Variants in ATP9B observed in about 807,000 individuals in gnomAD.
ATP9B encodes the protein ATPase phospholipid transporting 9B, also known as probable phospholipid-transporting ATPase IIB.
A neutral mutation model predicts 146.1 loss-of-function variants in ATP9B; 110 were observed. The ratio of observed to expected loss-of-function variants is 0.75; its 90% CI spans 0.65 to 0.88. The LOEUF is 0.88. ATP9B is among the 40% of genes least tolerant of loss of function. ATP9B has a pLI of 0.00. For missense variants in ATP9B, 1,499 were observed against 1,496.4 expected, an observed-to-expected ratio of 1.00 and a Z score of -0.03; for synonymous variants, 604 against 569.7, an observed-to-expected ratio of 1.06 and a Z score of -0.86.
intron 13 of ATP9B, among the ~76,000 whole-genome samples, chr18:79,296,458 C>CCTA (rs1378954315): frequency 6.6e-6 from 1 of 152,192 alleles, no homozygotes; most frequent in Non-Finnish European, 1.5e-5. Flanking sequence ...TGGTGAGAAT[C>CCTA]CTACGCTAGC....
At chr18:79,106,605 C>T (rs1013404145) in intron 2 of ATP9B, among the ~76,000 whole-genome samples, 3 of 152,140 alleles carry the variant, frequency 2.0e-5, no homozygotes, top group Admixed American at 6.6e-5. Context: ...GCGTCTTAAC[C>T]ACTACTTTAT....
chr18:79,158,811 C>T (rs1440733243), intron 7 of ATP9B, among the ~76,000 whole-genome samples: 3 of 152,130 alleles, frequency 2.0e-5, no homozygotes, highest in Non-Finnish European at 2.9e-5. Flanking sequence ...CTACATTCTG[C>T]TCCTGTTGAG....
At chr18:79,134,817 G>C (rs943188730) in intron 5 of ATP9B, among the ~76,000 whole-genome samples, 8 of 152,038 alleles carry the variant, frequency 5.3e-5, no homozygotes, top group African/African-American at 1.9e-4. Context: ...ATTTTTCTTG[G>C]ATGTAATGTA....
At chr18:79,191,922 T>C (rs2095370581) in intron 8 of ATP9B, among the ~76,000 whole-genome samples, 1 of 152,216 alleles carries the variant, frequency 6.6e-6, no homozygotes, top group Non-Finnish European at 1.5e-5. Flanking sequence ...GATTCAGGAT[T>C]CTGTTAGGTT....
chr18:79,243,227 A>G (rs774587980), intron 11 of ATP9B, among the ~76,000 whole-genome samples: 2 of 152,374 alleles, frequency 1.3e-5, no homozygotes, highest in Non-Finnish European at 2.9e-5. Flanking sequence ...TTTGTTCACG[A>G]TGATAGTAAT....
intron 9 of ATP9B, chr18:79,194,392 A>G (rs1170641379): frequency 1.3e-5 from 2 of 152,184 alleles, no homozygotes; most frequent in South Asian, 2.1e-4. Flanking sequence ...AAAGTCGGAA[A>G]TGTTCGCTAG....
chr18:79,102,084 T>C (rs932621428), intron 2 of ATP9B, among the ~76,000 whole-genome samples: 1 of 152,334 alleles, frequency 6.6e-6, no homozygotes, highest in Non-Finnish European at 1.5e-5. Context: ...TAGCTGGGAC[T>C]ACAGGTGCCC....
At chr18:79,340,646 C>T (rs998144227) in intron 19 of ATP9B, among the ~76,000 whole-genome samples, 1 of 152,080 alleles carries the variant, frequency 6.6e-6, no homozygotes, top group Non-Finnish European at 1.5e-5. Context: ...ACTGGAAGTT[C>T]TTTGCTGTTA....
At chr18:79,368,220 A>G (rs1420481359) in intron 26 of ATP9B, among the ~76,000 whole-genome samples, 1 of 152,234 alleles carries the variant, frequency 6.6e-6, no homozygotes, top group Non-Finnish European at 1.5e-5. Flanking sequence ...CAGAGCCAAG[A>G]AAGTCTTCAA....
At chr18:79,124,821 A>G (rs1176557403) in intron 4 of ATP9B, among the ~76,000 whole-genome samples, 1 of 152,160 alleles carries the variant, frequency 6.6e-6, no homozygotes, top group African/African-American at 2.4e-5. Flanking sequence ...TGTGGAAGGA[A>G]GCACAGTTAG....
At chr18:79,244,823 G>A (rs765030176) in intron 11 of ATP9B, among the ~76,000 whole-genome samples, 55 of 152,130 alleles carry the variant, frequency 3.6e-4, no homozygotes, top group Non-Finnish European at 6.2e-4. Flanking sequence ...AAGGAGATGC[G>A]TGCTCTGTAT....
At chr18:79,164,177 G>A (rs1489529965) in intron 7 of ATP9B, among the ~76,000 whole-genome samples, 1 of 152,016 alleles carries the variant, frequency 6.6e-6, no homozygotes, top group Non-Finnish European at 1.5e-5. Context: ...CTCACGTCTT[G>A]GTCTCCTAAA....
chr18:79,187,335 G>A (rs962178708), intron 8 of ATP9B, among the ~76,000 whole-genome samples: 2 of 152,176 alleles, frequency 1.3e-5, no homozygotes, highest in African/African-American at 2.4e-5. Flanking sequence ...TCTCTGATAC[G>A]TGGGTTCCAG....
At chr18:79,075,568 G>C (rs1384018824) in intron 1 of ATP9B, among the ~76,000 whole-genome samples, 2 of 152,166 alleles carry the variant, frequency 1.3e-5, no homozygotes, top group Non-Finnish European at 2.9e-5. Flanking sequence ...TCACCCATGT[G>C]TCTCTGGTAA....
chr18:79,187,305 G>C (rs1013531581), intron 8 of ATP9B, among the ~76,000 whole-genome samples: 1 of 152,156 alleles, frequency 6.6e-6, no homozygotes, highest in South Asian at 2.1e-4. Context: ...TGGTCAAAGG[G>C]TGATAGGGCA....
At position 79,200,346 on chromosome 18, in the gene ATP9B, C is replaced by G. The variant is rs73488245; in HGVS notation, c.955-6591C>G. Among the ~76,000 whole-genome samples, 600 of 152,276 alleles carry G rather than the reference C, an allele frequency of 3.9e-3. 5 individuals carry two copies. Among genetic ancestry groups the G allele is most frequent in the African/African-American group, 0.014 (566 of 41,540 alleles). On this transcript the variant is annotated intron_variant, in intron 9 of 29. Coordinates refer to ENST00000426216, the MANE Select transcript of ATP9B (RefSeq NM_198531.5). ...GAACTTCAAGGAGAAACTGACAAAT[C>G]CATTATGATAGTTGGAGATTTTAAT... is the stretch of plus-strand genomic sequence containing the variant.
intron 2 of ATP9B, among the ~76,000 whole-genome samples, chr18:79,097,898 G>A (rs1455221734): frequency 6.6e-6 from 1 of 151,224 alleles, no homozygotes; most frequent in African/African-American, 2.4e-5. Context: ...ACCCAGTAAT[G>A]GGATGGCTGG....
Position 79,340,748 on chromosome 18 carries a change from G to A in ATP9B, c.2284-1520G>A, listed in dbSNP as rs1486074347. Among the ~76,000 whole-genome samples the A allele has an allele frequency of 2.0e-5, 3 of 152,286 alleles. No homozygotes were observed. The East Asian group carries it at 5.8e-4, about 29-fold the overall frequency. On this transcript the variant is annotated intron_variant, in intron 19 of 29. Transcript: ENST00000426216. ...ATACACATAAGATGTGCATGGGTAT[G>A]CAATTTTTAAATGTAAAAGTGCTAC...
chr18:79,274,159 A>G (rs75358634), intron 12 of ATP9B, among the ~76,000 whole-genome samples: 5,523 of 152,304 alleles, frequency 0.036, 135 homozygotes, highest in Non-Finnish European at 0.054. Context: ...ACTAGGTTTA[A>G]TATATATTGA....
Sources: allele counts gnomAD v4.1 joint callset (sites outside exome capture counted in the v4.1 genomes callset), GRCh38; gene constraint gnomAD v4.1.1; transcripts MANE v1.5; gene names NCBI Gene and HGNC (gene_info 2026-07-23, HGNC 2026-07-21).